Variants in MTF2 observed in about 807,000 individuals in gnomAD.
MTF2 encodes the protein metal-response element-binding transcription factor 2.
A neutral mutation model predicts 79.5 loss-of-function variants in MTF2; 11 were observed. The ratio of observed to expected loss-of-function variants is 0.14; its 90% CI spans 0.09 to 0.23. The LOEUF (loss-of-function observed/expected upper bound fraction) is 0.23. Ranked by LOEUF, MTF2 falls within the 10% of genes least tolerant of loss-of-function variation. The pLI is 1.00. For synonymous variants in MTF2, 208 were observed against 232.8 expected, an observed-to-expected ratio of 0.89 and a Z score of 0.97; for missense variants, 486 against 711.2, an observed-to-expected ratio of 0.68 and a Z score of 3.60.
At chr1:93,083,002 T>C (rs1045490404) in intron 1 of MTF2, among the ~76,000 whole-genome samples, 2 of 152,248 alleles carry the variant, frequency 1.3e-5, no homozygotes, top group African/African-American at 4.8e-5. Flanking sequence ...AGCATGACTA[T>C]ATTAGTCCAT....
intron 1 of MTF2, among the ~76,000 whole-genome samples, chr1:93,099,148 C>T (rs1353764305): frequency 6.6e-6 from 1 of 152,192 alleles, no homozygotes; most frequent in Admixed American, 6.5e-5. Context: ...TGCCTCCCTA[C>T]CTGATCACAC....
intron 3 of MTF2, among the ~76,000 whole-genome samples, chr1:93,111,859 G>A (rs1348715713): frequency 6.6e-6 from 1 of 152,034 alleles, no homozygotes; most frequent in Non-Finnish European, 1.5e-5. Context: ...CTCTGTAATA[G>A]CAGTGAAACA....
At chr1:93,092,274 A>G (rs543830829) in intron 1 of MTF2, among the ~76,000 whole-genome samples, 43 of 152,282 alleles carry the variant, frequency 2.8e-4, no homozygotes, top group African/African-American at 9.9e-4. Flanking sequence ...GTATTCAGAA[A>G]ATATCCTTTT....
At position 93,117,415 on chromosome 1, in the gene MTF2, A is replaced by G. The variant is rs185178316; in HGVS notation, c.633-930A>G. Among the ~76,000 whole-genome samples the G allele has an allele frequency of 2.7e-4, 41 of 152,228 alleles. No homozygotes were observed. In the East Asian group the frequency reaches 7.7e-3, roughly 29 times the overall value. On this transcript the variant is annotated intron_variant, in intron 6 of 14. Coordinates refer to ENST00000370298, the MANE Select transcript of MTF2 (RefSeq NM_007358.4). Reference sequence around the variant, plus strand: ...TGTGCTAACTGAAAAGAGAAGATATATTTCTTAGATGAAGATTCAATTTTA... The same window carrying G: ...TGTGCTAACTGAAAAGAGAAGATATGTTTCTTAGATGAAGATTCAATTTTA...
rs71586778 is a variant in MTF2, at chr1:93,101,568, GTTTTTTTTTTTTTTT to G, written c.6-8647_6-8633del. ...TGGTCTTGCCATGTTGCTCAGGCTG[GTTTTTTTTTTTTTTT>G]TTTTTTTTTTTTTTGAGACAGGGTC... On this transcript the variant is annotated intron_variant, in intron 1 of 14. Transcript: ENST00000370298. Among the ~76,000 whole-genome samples the G allele has an allele frequency of 2.4e-4, 6 of 25,406 alleles. No homozygotes were observed. In the East Asian group the frequency reaches 6.3e-3, roughly 27 times the overall value. The allele number at this position is 25,406 out of a possible 152,430, so 16.7% of individuals were successfully genotyped here.
At chr1:93,080,079 G>A (rs114653762) in intron 1 of MTF2, among the ~76,000 whole-genome samples, 1,801 of 152,192 alleles carry the variant, frequency 0.012, 39 homozygotes, top group African/African-American at 0.041. Context: ...CACTGAAGTG[G>A]AGGTTGGAAG....
intron 14 of MTF2, among the ~76,000 whole-genome samples, chr1:93,134,647 C>G (rs978547881): frequency 6.6e-6 from 1 of 152,026 alleles, no homozygotes; most frequent in Admixed American, 6.6e-5. Flanking sequence ...ATGTCGGCCT[C>G]TCTAGTGGCT....
At position 93,133,795 on chromosome 1, in the gene MTF2, C is replaced by T; in HGVS notation, c.1253C>T (p.Ala418Val). The part of the protein sequence containing the change: ...PYTRKMIQKT[A>V]EPLLDKESIS... ...ACAAGAAAAATGATTCAAAAAACTG[C>T]TGAGCCACTTTTGGTAAGAGGATAT... Residue 418 changes from alanine (A) to valine (V), a missense_variant, in exon 12 of 15, where the codon GCT becomes GTT. Coordinates refer to ENST00000370298, the MANE Select transcript of MTF2 (RefSeq NM_007358.4). 2 of 1,607,166 alleles carry T rather than the reference C, an allele frequency of 1.2e-6. No homozygotes were observed. Among genetic ancestry groups the T allele is most frequent in the Non-Finnish European group, 1.7e-6 (2 of 1,175,194 alleles).
At chr1:93,114,257 CT>C (rs1281776525) in intron 3 of MTF2, among the ~76,000 whole-genome samples, 5 of 152,256 alleles carry the variant, frequency 3.3e-5, no homozygotes, top group African/African-American at 9.6e-5. Flanking sequence ...ATCTTCCTTA[CT>C]TTTTTTCTTT....
chr1:93,104,446 C>T (rs763052226), intron 1 of MTF2, among the ~76,000 whole-genome samples: 10 of 151,576 alleles, frequency 6.6e-5, no homozygotes, highest in African/African-American at 1.7e-4. Context: ...TTTGGGAGGC[C>T]GAGGCGGGTG....
chr1:93,102,369 C>T (rs1483755692), intron 1 of MTF2, among the ~76,000 whole-genome samples: 2 of 151,738 alleles, frequency 1.3e-5, no homozygotes, highest in South Asian at 4.2e-4. Context: ...GAGGCCAAAG[C>T]GGAGGGATTA....
At chr1:93,104,700 A>G (rs766326557) in intron 1 of MTF2, among the ~76,000 whole-genome samples, 31 of 150,114 alleles carry the variant, frequency 2.1e-4, no homozygotes, top group Non-Finnish European at 4.1e-4. Flanking sequence ...AAAAAAGTAG[A>G]TAAAGATGAA....
At chr1:93,101,568 G>GGTTTTTTTTT (rs1655535897) in intron 1 of MTF2, among the ~76,000 whole-genome samples, 1 of 25,398 alleles carries the variant, frequency 3.9e-5, no homozygotes, top group African/African-American at 1.5e-4. Context: ...GCTCAGGCTG[G>GGTTTTTTTTT]TTTTTTTTTT....
At chr1:93,109,149 T>G (rs1278679660) in intron 1 of MTF2, among the ~76,000 whole-genome samples, 1 of 152,234 alleles carries the variant, frequency 6.6e-6, no homozygotes, top group Non-Finnish European at 1.5e-5. Context: ...CACTGTATGT[T>G]TAATTAGTGA....
chr1:93,133,662 C>G, intron 11 of MTF2, 41 bp from the exon 12 acceptor site: 1 of 1,419,612 alleles, frequency 7.0e-7, no homozygotes, highest in Non-Finnish European at 9.8e-7. Flanking sequence ...TCTTTGTTTT[C>G]TTTATGCAGA....
rs545939133 is a variant in MTF2 at position 93,093,690 on chromosome 1, C to T, written c.5+14159C>T. Among the ~76,000 whole-genome samples the T allele has an allele frequency of 2.2e-4, 34 of 152,208 alleles. No homozygotes were observed. The East Asian group carries it at 6.4e-3, about 29-fold the overall frequency. On this transcript the variant is annotated intron_variant, in intron 1 of 14. Coordinates refer to ENST00000370298, the MANE Select transcript of MTF2 (RefSeq NM_007358.4). ...AAATGTTCTAATTTTCATACACATA[C>T]ACTCTTTTTTTAAAAAAATACATTT...
chr1:93,114,783 GGTA>G lies in MTF2; in HGVS notation c.382+1_382+3del. 6.3e-7 allele frequency: 1 copy of G among 1,597,448 alleles called. No individual in the cohort carries two copies. The highest frequency in any genetic ancestry group is 8.5e-7 in the Non-Finnish European group (1 of 1,171,116). ...GGTTATATGTGACAAGTGTGGCCAAGGTAACCATTGATTTCTTTTAATCTTGTT... is the reference window on the plus strand; with the variant it reads ...GGTTATATGTGACAAGTGTGGCCAAGACCATTGATTTCTTTTAATCTTGTT... On this transcript the variant is annotated splice_donor_variant and splice_donor_region_variant and intron_variant, in intron 4 of 14. Coordinates refer to ENST00000370298, the MANE Select transcript of MTF2 (RefSeq NM_007358.4). LOFTEE classifies it high-confidence loss of function.
chr1:93,132,050 G>A (rs950866033), intron 11 of MTF2, among the ~76,000 whole-genome samples: 7 of 152,138 alleles, frequency 4.6e-5, no homozygotes, highest in African/African-American at 7.2e-5. Flanking sequence ...TGGAGATAAG[G>A]AAATTGACTG....
chr1:93,136,657 C>T lies in MTF2; in HGVS notation c.1425-13C>T. 1 of 1,602,068 alleles carries T rather than the reference C, an allele frequency of 6.2e-7. No homozygotes were observed. Among genetic ancestry groups the T allele is most frequent in the South Asian group, 1.1e-5 (1 of 89,704 alleles). Reference sequence around the variant, plus strand: ...AAGCTCAGTAGACAATTCTGGCCTTCTCTGTTACATAGATTATCTGACTCC... The same window carrying T: ...AAGCTCAGTAGACAATTCTGGCCTTTTCTGTTACATAGATTATCTGACTCC... On this transcript the variant is annotated splice_polypyrimidine_tract_variant and intron_variant, in intron 14 of 14. Transcript: ENST00000370298.
Sources: gnomAD v4.1 joint callset for allele counts (sites outside exome capture counted in the v4.1 genomes callset) on GRCh38, gnomAD v4.1.1 for gene constraint, MANE v1.5 for transcripts, NCBI Gene and HGNC (gene_info 2026-07-23, HGNC 2026-07-21) for gene names.